The following KCNIP3 variants were observed in gnomAD, a reference collection of about 807,000 sequenced individuals.
KCNIP3 encodes the protein potassium voltage-gated channel interacting protein 3, also known as calsenilin.
Under a neutral mutation model 35.0 loss-of-function variants are expected in KCNIP3, and 28 were observed. The ratio of observed to expected loss-of-function variants is 0.80; its 90% CI spans 0.59 to 1.10. The LOEUF (loss-of-function observed/expected upper bound fraction) is 1.10. KCNIP3 is among the 50% of genes least tolerant of loss of function. The probability of loss-of-function intolerance (pLI) is 0.00; values close to 1 mark genes in which losing one functional copy is unlikely to be tolerated. For missense variants in KCNIP3, 295 were observed against 338.4 expected (o/e 0.87, Z 1.01); for synonymous variants, 134 against 133.8 (o/e 1.00, Z -0.01).
At chr2:95,349,616 G>C (rs1679461907) in intron 2 of KCNIP3, among the ~76,000 whole-genome samples, 1 of 152,228 alleles carries the variant, frequency 6.6e-6, no homozygotes, top group Admixed American at 6.5e-5. Context: ...CTGAGCCCGG[G>C]GTGGTGGCAT....
At chr2:95,316,189 G>C (rs547809657) in intron 2 of KCNIP3, among the ~76,000 whole-genome samples, 1 of 152,210 alleles carries the variant, frequency 6.6e-6, no homozygotes, top group Admixed American at 6.5e-5. Context: ...TAGACTCATC[G>C]TGTGTCATTG....
intron 2 of KCNIP3, among the ~76,000 whole-genome samples, chr2:95,333,870 G>C (rs570367273): frequency 6.6e-6 from 1 of 152,142 alleles, no homozygotes. Context: ...CTCCCCTGCT[G>C]CTTTCTGACT....
chr2:95,355,312 G>A (rs560667432), intron 2 of KCNIP3: 3 of 152,314 alleles, frequency 2.0e-5, no homozygotes, highest in South Asian at 2.1e-4. Context: ...GTAAGGCAGC[G>A]TCTGGCATGG....
At chr2:95,357,011 G>A (rs1489235807) in intron 2 of KCNIP3, among the ~76,000 whole-genome samples, 1 of 152,158 alleles carries the variant, frequency 6.6e-6, no homozygotes, top group African/African-American at 2.4e-5. Context: ...GGCCATGCTC[G>A]CCGGCGTGGG....
Position 95,377,254 on chromosome 2 carries a change from G to A in KCNIP3, c.447+2046G>A, listed in dbSNP as rs538508683. Among the ~76,000 whole-genome samples, 1 of 152,256 alleles carries A rather than the reference G, an allele frequency of 6.6e-6. No homozygotes were observed. The highest frequency in any genetic ancestry group is 1.5e-5 in the Non-Finnish European group (1 of 68,050). On this transcript the variant is annotated intron_variant, in intron 5 of 8. Transcript: ENST00000295225. The surrounding 1 kb of genome is among the most constrained non-coding windows in gnomAD (Gnocchi z 4.7). ...TCCGTAGACTGTTGGGGCCTCTTCA[G>A]TGCCCAGGATCAAGTCAGGCCCAGT...
At chr2:95,373,950 G>A (rs1373740388) in intron 2 of KCNIP3, among the ~76,000 whole-genome samples, 1 of 152,252 alleles carries the variant, frequency 6.6e-6, no homozygotes, top group Non-Finnish European at 1.5e-5. Flanking sequence ...TGTCCCTCAT[G>A]CCTGTCTTGC....
chr2:95,326,099 A>T (rs111070261), intron 2 of KCNIP3, among the ~76,000 whole-genome samples: 3 of 151,702 alleles, frequency 2.0e-5, no homozygotes, highest in South Asian at 2.1e-4. Context: ...ACACATACAC[A>T]CATATACACA....
chr2:95,342,191 T>C (rs1219848229), intron 2 of KCNIP3, among the ~76,000 whole-genome samples: 2 of 152,018 alleles, frequency 1.3e-5, no homozygotes, highest in Non-Finnish European at 2.9e-5. Flanking sequence ...GGCCCGGCCA[T>C]GGGGGGCAAG....
In KCNIP3 at chr2:95,334,177, C is replaced by A. The variant is rs144841985; in HGVS notation, c.181+23657C>A. 8.3e-3 allele frequency among the ~76,000 whole-genome samples: 1,259 copies of A among 152,310 alleles called. 52 individuals are homozygous for A. The highest frequency in any genetic ancestry group is 0.056 in the Admixed American group (862 of 15,300). ...ATGACCCGTGTGAGTGGGGCGAGTG[C>A]CAGGGGAACACAGGCTCTGAGTTGG... On this transcript the variant is annotated intron_variant, in intron 2 of 8. Transcript: ENST00000295225.
At chr2:95,352,568 C>T (rs1248803562) in intron 2 of KCNIP3, among the ~76,000 whole-genome samples, 1 of 152,142 alleles carries the variant, frequency 6.6e-6, no homozygotes, top group Admixed American at 6.5e-5. Flanking sequence ...CCCAGCCCTC[C>T]CTCTCCAGCC....
At chr2:95,332,362 C>T (rs1558766044) in intron 2 of KCNIP3, among the ~76,000 whole-genome samples, 1 of 152,262 alleles carries the variant, frequency 6.6e-6, no homozygotes, top group East Asian at 1.9e-4. Flanking sequence ...GCCTATAATA[C>T]CAGCACTTTG....
chr2:95,299,451 A>G (rs370715629), intron 1 of KCNIP3, among the ~76,000 whole-genome samples: 1 of 152,176 alleles, frequency 6.6e-6, no homozygotes, highest in African/African-American at 2.4e-5. Context: ...GTAACGCCCC[A>G]TGACTGCCCG....
intron 2 of KCNIP3, among the ~76,000 whole-genome samples, chr2:95,354,650 G>A (rs1356224337): frequency 3.9e-5 from 6 of 152,208 alleles, no homozygotes; most frequent in African/African-American, 1.4e-4. Context: ...CCCTGAAAGC[G>A]TCTCTAACTG....
intron 2 of KCNIP3, among the ~76,000 whole-genome samples, chr2:95,339,767 T>G (rs1435099054): frequency 6.6e-6 from 1 of 152,134 alleles, no homozygotes; most frequent in Non-Finnish European, 1.5e-5. Context: ...CCACCTCTAT[T>G]TCCAAATCGA....
chr2:95,374,879 C>A lies in KCNIP3; in HGVS notation c.338C>A (p.Thr113Asn). 2 of 1,613,952 alleles carry A rather than the reference C, an allele frequency of 1.2e-6. No homozygotes were observed. The highest frequency in any genetic ancestry group is 8.5e-7 in the Non-Finnish European group (1 of 1,180,002). Residue 113 changes from threonine (T) to asparagine (N), a missense_variant, in exon 4 of 9, where the codon ACC becomes AAC. Thr to Asn is a moderately conservative substitution (Grantham distance 65, BLOSUM62 0). Transcript: ENST00000295225. ...CCCACGGGCCTGGTGGACGAAGACACCTTCAAACTCATTTACGCGCAGTTC... is the reference window on the plus strand; with the variant it reads ...CCCACGGGCCTGGTGGACGAAGACAACTTCAAACTCATTTACGCGCAGTTC... ...ECPTGLVDED[T>N]FKLIYAQFFP...
intron 2 of KCNIP3, among the ~76,000 whole-genome samples, chr2:95,341,063 T>G (rs769910156): frequency 5.9e-5 from 9 of 152,176 alleles, no homozygotes; most frequent in African/African-American, 1.2e-4. Flanking sequence ...TTTGGGTCTG[T>G]GTCTCCACCC....
intron 2 of KCNIP3, among the ~76,000 whole-genome samples, chr2:95,373,615 G>T (rs1196286614): frequency 1.3e-5 from 2 of 151,876 alleles, no homozygotes; most frequent in Non-Finnish European, 2.9e-5. Flanking sequence ...TTAGAGACGG[G>T]GTTTCACCGT....
rs1411821140 is a variant in KCNIP3 at position 95,376,448 on chromosome 2, C to T, written c.447+1240C>T. Among the ~76,000 whole-genome samples the T allele has an allele frequency of 8.5e-5, 13 of 152,216 alleles. No individual in the cohort carries two copies. The highest frequency in any genetic ancestry group is 2.9e-5 in the Non-Finnish European group (2 of 68,034). ...CCTCACCTCCTGTGGCCATCACCCT[C>T]GCTGTCCTGAGGGACAGCCTTGTGG... is the stretch of plus-strand genomic sequence containing the variant. On this transcript the variant is annotated intron_variant, in intron 5 of 8. Coordinates refer to ENST00000295225, the MANE Select transcript of KCNIP3 (RefSeq NM_013434.5). The surrounding 1 kb of genome is among the most constrained non-coding windows in gnomAD (Gnocchi z 4.2).
At chr2:95,337,771 C>G (rs185070734) in intron 2 of KCNIP3, among the ~76,000 whole-genome samples, 1 of 152,326 alleles carries the variant, frequency 6.6e-6, no homozygotes, top group Non-Finnish European at 1.5e-5. Context: ...GTCCTTCTGC[C>G]GCTACCTCAG....
Sources: gnomAD v4.1 joint callset for allele counts (sites outside exome capture counted in the v4.1 genomes callset) on GRCh38, gnomAD v4.1.1 for gene constraint, Gnocchi (gnomAD v3.1) non-coding constraint, MANE v1.5 for transcripts, NCBI Gene and HGNC (gene_info 2026-07-23, HGNC 2026-07-21) for gene names.